The following DLG2 variants were observed in gnomAD, a reference collection of about 807,000 sequenced individuals.
The protein encoded by DLG2 is disks large homolog 2.
Under a neutral mutation model 132.5 loss-of-function variants are expected in DLG2, and 45 were observed. That is an observed-to-expected ratio of 0.34 (90% CI 0.27 to 0.44). DLG2 has a LOEUF of 0.44. Ranked by LOEUF, DLG2 falls within the 20% of genes least tolerant of loss-of-function variation. The probability of loss-of-function intolerance (pLI) is 1.00; values close to 1 mark genes in which losing one functional copy is unlikely to be tolerated. For missense variants in DLG2, 1,045 were observed against 1,196.9 expected (o/e 0.87, Z 1.87); for synonymous variants, 424 against 419.6 (o/e 1.01, Z -0.13).
At chr11:84,584,674 C>CTTTTTTTT (rs71036428) in intron 6 of DLG2, among the ~76,000 whole-genome samples, 1 of 55,854 alleles carries the variant, frequency 1.8e-5, no homozygotes, top group African/African-American at 7.6e-5. Context: ...CCCAGCATTC[C>CTTTTTTTT]TTTTTTTTTT....
At chr11:83,514,005 A>C (rs569343659) in intron 21 of DLG2, among the ~76,000 whole-genome samples, 1 of 152,034 alleles carries the variant, frequency 6.6e-6, no homozygotes, top group African/African-American at 2.4e-5. Flanking sequence ...TTGACTTGGC[A>C]ATGCGGGCTC....
chr11:83,633,588 G>A (rs371310848), intron 18 of DLG2, among the ~76,000 whole-genome samples: 43 of 152,168 alleles, frequency 2.8e-4, no homozygotes, highest in African/African-American at 9.6e-4. Flanking sequence ...CATGGGGGCT[G>A]GGAGAGGGAG....
chr11:84,481,675 G>A (rs2099138102), intron 7 of DLG2, among the ~76,000 whole-genome samples: 1 of 152,016 alleles, frequency 6.6e-6, no homozygotes, highest in African/African-American at 2.4e-5. Context: ...TTCCAACTCT[G>A]GCTTTGTTTC....
intron 7 of DLG2, among the ~76,000 whole-genome samples, chr11:84,311,753 A>AGGCCC (rs1212205824): frequency 1.3e-5 from 2 of 152,190 alleles, no homozygotes; most frequent in Non-Finnish European, 2.9e-5. Context: ...ATCTCTGACC[A>AGGCCC]GGCCCCACCC....
chr11:85,278,012 A>G (rs2077997429), intron 4 of DLG2, among the ~76,000 whole-genome samples: 1 of 152,170 alleles, frequency 6.6e-6, no homozygotes, highest in Non-Finnish European at 1.5e-5. Context: ...TAAATGCTAT[A>G]GTATTGCAAT....
At chr11:84,792,926 G>T (rs535299629) in intron 6 of DLG2, among the ~76,000 whole-genome samples, 1 of 151,976 alleles carries the variant, frequency 6.6e-6, no homozygotes, top group South Asian at 2.1e-4. Context: ...ATTTGTGCTT[G>T]TATCTTTATT....
At chr11:84,132,471 A>C (rs1211836279) in intron 9 of DLG2, among the ~76,000 whole-genome samples, 1 of 151,962 alleles carries the variant, frequency 6.6e-6, no homozygotes, top group Non-Finnish European at 1.5e-5. Flanking sequence ...GAACACACAC[A>C]TCACTTAAAG....
chr11:85,403,048 T>G (rs1181710799), intron 3 of DLG2, among the ~76,000 whole-genome samples: 1 of 152,198 alleles, frequency 6.6e-6, no homozygotes, highest in Non-Finnish European at 1.5e-5. Flanking sequence ...TACACGTATG[T>G]TTATTGTGGC....
rs1591057809 is a variant in DLG2, at chr11:83,619,071, A to C, written c.1940+14140T>G. Among the ~76,000 whole-genome samples, 6 of 152,318 alleles carry C rather than the reference A, an allele frequency of 3.9e-5. No individual in the cohort carries two copies. The South Asian group carries it at 8.3e-4, about 21-fold the overall frequency. On this transcript the variant is annotated intron_variant, in intron 19 of 27. Transcript: ENST00000376104. ...AACTTAAACCCGTATCCATTCCATCATACTTGCTCTAAGGCAGTCAGAAGA... is the reference window on the plus strand; with the variant it reads ...AACTTAAACCCGTATCCATTCCATCCTACTTGCTCTAAGGCAGTCAGAAGA...
chr11:84,648,096 C>A (rs574700812), intron 6 of DLG2, among the ~76,000 whole-genome samples: 1 of 152,164 alleles, frequency 6.6e-6, no homozygotes, highest in South Asian at 2.1e-4. Context: ...AGATTATGAA[C>A]AAGATCTTAC....
intron 7 of DLG2, among the ~76,000 whole-genome samples, chr11:84,394,351 T>TC (rs961427119): frequency 5.3e-5 from 8 of 151,512 alleles, no homozygotes; most frequent in African/African-American, 1.7e-4. Flanking sequence ...TTTTTTTTTT[T>TC]CCCTGAAAAT....
intron 6 of DLG2, among the ~76,000 whole-genome samples, chr11:84,821,268 A>T (rs995564029): frequency 3.3e-5 from 5 of 151,818 alleles, no homozygotes; most frequent in African/African-American, 1.2e-4. Context: ...ATTCATGAAT[A>T]TAAAGAACTC....
intron 6 of DLG2, among the ~76,000 whole-genome samples, chr11:84,802,456 C>G (rs1169124655): frequency 6.6e-6 from 1 of 152,064 alleles, no homozygotes; most frequent in Non-Finnish European, 1.5e-5. Flanking sequence ...GAGTTACAGT[C>G]TGATGAGAAG....
chr11:85,431,686 C>A (rs1377962519), intron 3 of DLG2, among the ~76,000 whole-genome samples: 1 of 152,200 alleles, frequency 6.6e-6, no homozygotes, highest in African/African-American at 2.4e-5. Flanking sequence ...GAGCTCCTAG[C>A]GGGAGTGGTG....
chr11:84,634,993 C>T (rs946495559), intron 6 of DLG2, among the ~76,000 whole-genome samples: 1 of 152,158 alleles, frequency 6.6e-6, no homozygotes, highest in Non-Finnish European at 1.5e-5. Context: ...CAGAAAAGCA[C>T]AATAATTCAA....
At position 84,175,371 on chromosome 11, in the gene DLG2, G is replaced by A. The variant is rs186599635; in HGVS notation, c.574-11860C>T. 5.9e-5 allele frequency among the ~76,000 whole-genome samples: 9 copies of A among 152,070 alleles called. 1 individual carries two copies. Among genetic ancestry groups the A allele is most frequent in the South Asian group, 2.1e-4 (1 of 4,812 alleles). ...GAACTTATGTTTGCCCCTAGTAGCC[G>A]CATTATAAATTGTTATTAAAGAAAT... On this transcript the variant is annotated intron_variant, in intron 8 of 27. Coordinates refer to ENST00000376104, the MANE Select transcript of DLG2 (RefSeq NM_001142699.3).
At chr11:85,529,666 C>A (rs1475863882) in intron 3 of DLG2, among the ~76,000 whole-genome samples, 2 of 152,166 alleles carry the variant, frequency 1.3e-5, no homozygotes, top group African/African-American at 4.8e-5. Flanking sequence ...ATTTACCTTT[C>A]CATTTCTATA....
chr11:83,802,431 G>A (rs751588206), intron 17 of DLG2, among the ~76,000 whole-genome samples: 32 of 152,120 alleles, frequency 2.1e-4, no homozygotes, highest in East Asian at 3.9e-4. Flanking sequence ...ATTTGAAGCT[G>A]AGATCCTTTC....
At chr11:85,503,080 A>G (rs2093842532) in intron 3 of DLG2, among the ~76,000 whole-genome samples, 2 of 152,164 alleles carry the variant, frequency 1.3e-5, no homozygotes, top group Non-Finnish European at 2.9e-5. Flanking sequence ...AAAAGAATAC[A>G]TAAAGTATTA....
Sources: gnomAD v4.1 joint callset for allele counts (sites outside exome capture counted in the v4.1 genomes callset) on GRCh38, gnomAD v4.1.1 for gene constraint, MANE v1.5 for transcripts, NCBI Gene and HGNC (gene_info 2026-07-23, HGNC 2026-07-21) for gene names.